HLF: variants seen among roughly 807,000 people sequenced by gnomAD.
HLF encodes HLF transcription factor, PAR bZIP family member, also known as hepatic leukemia factor.
HLF carries 3 observed loss-of-function variants against 22.6 expected under a neutral mutation model. That is an observed-to-expected ratio of 0.13 (90% confidence interval 0.06 to 0.34). The LOEUF (loss-of-function observed/expected upper bound fraction) is 0.34. HLF is among the 10% of genes least tolerant of loss of function. The probability of loss-of-function intolerance (pLI) is 1.00; values close to 1 mark genes in which losing one functional copy is unlikely to be tolerated. For missense variants in HLF, 299 were observed against 389.2 expected (o/e 0.77, Z 1.95); for synonymous variants, 151 against 151.8 (o/e 0.99, Z 0.04).
At chr17:55,296,611 A>G (rs1246690689) in intron 2 of HLF, among the ~76,000 whole-genome samples, 1 of 152,190 alleles carries the variant, frequency 6.6e-6, no homozygotes, top group Non-Finnish European at 1.5e-5. Context: ...GGCTGCATAG[A>G]ACCTATGATC....
At chr17:55,271,239 A>G (rs776860523) in intron 2 of HLF, among the ~76,000 whole-genome samples, 9 of 152,256 alleles carry the variant, frequency 5.9e-5, no homozygotes, top group Non-Finnish European at 8.8e-5. Context: ...TTGGGTTGCC[A>G]AGAAGAAATA....
At chr17:55,276,222 T>G (rs2080903312) in intron 2 of HLF, among the ~76,000 whole-genome samples, 1 of 152,216 alleles carries the variant, frequency 6.6e-6, no homozygotes, top group Admixed American at 6.5e-5. Context: ...TTTTGATTTG[T>G]GCACCCTGAG....
chr17:55,269,019 C>T (rs2080825374), intron 2 of HLF, among the ~76,000 whole-genome samples: 1 of 152,172 alleles, frequency 6.6e-6, no homozygotes, highest in Admixed American at 6.5e-5. Flanking sequence ...GATAAATCAT[C>T]CGGAAGGTCA....
At chr17:55,272,423 A>G (rs2080866383) in intron 2 of HLF, 1 of 152,142 alleles carries the variant, frequency 6.6e-6, no homozygotes, top group Admixed American at 6.5e-5. Context: ...GGGGTGTCCT[A>G]CCACTGTTAG....
At chr17:55,266,898 ACT>A in intron 1 of HLF, 17 of 654,180 alleles carry the variant, frequency 2.6e-5, no homozygotes, top group Non-Finnish European at 3.2e-5. Context: ...GTATAGAATA[ACT>A]CACCTTTTCC....
chr17:55,265,591 A>T lies in HLF; in HGVS notation c.107A>T (p.His36Leu), dbSNP rs2080779936. 1 of 1,590,198 alleles carries T rather than the reference A, an allele frequency of 6.3e-7. No homozygotes were observed. Among genetic ancestry groups the T allele is most frequent in the Admixed American group, 1.7e-5 (1 of 58,984 alleles). Residue 36 changes from histidine (H) to leucine (L), a missense_variant, in exon 1 of 4, where the codon CAC (histidine) becomes CTC (leucine). Transcript: ENST00000226067. ...LENPLKLPLHHEDAFSKDKDK... is the reference protein window; with the variant it reads ...LENPLKLPLHLEDAFSKDKDK... Reference sequence around the variant, plus strand: ...AACCCGCTGAAGCTCCCCCTTCACCACGAAGACGGTGAGCGCTGCCGCGGC... The same window carrying T: ...AACCCGCTGAAGCTCCCCCTTCACCTCGAAGACGGTGAGCGCTGCCGCGGC...
intron 2 of HLF, among the ~76,000 whole-genome samples, chr17:55,308,509 C>T (rs753784439): frequency 1.3e-4 from 20 of 152,186 alleles, no homozygotes; most frequent in Non-Finnish European, 2.2e-4. Flanking sequence ...AAAAAGTCAA[C>T]GATAGTCCCT....
intron 2 of HLF, among the ~76,000 whole-genome samples, chr17:55,298,293 G>A (rs552528572): frequency 1.7e-4 from 26 of 152,206 alleles, no homozygotes; most frequent in Non-Finnish European, 3.2e-4. Flanking sequence ...TCTACCCAAA[G>A]GTTGCAGACC....
intron 2 of HLF, chr17:55,272,592 G>A (rs1377532144): frequency 6.6e-6 from 1 of 152,192 alleles, no homozygotes; most frequent in African/African-American, 2.4e-5. Flanking sequence ...AGGAGCGGGG[G>A]TGGGGGAGAA....
intron 2 of HLF, among the ~76,000 whole-genome samples, chr17:55,289,854 C>T (rs1567817474): frequency 6.6e-6 from 1 of 152,134 alleles, no homozygotes; most frequent in Non-Finnish European, 1.5e-5. Context: ...AGCTCTTAAT[C>T]CTTCCTAGCA....
chr17:55,268,034 C>G lies in HLF; in HGVS notation c.399C>G (p.Pro133=), dbSNP rs201406160. The G allele has an allele frequency of 1.1e-5, 18 of 1,605,878 alleles. No homozygotes were observed. The East Asian group carries it at 3.6e-4, about 32-fold the overall frequency. ...VMDLSSRASA[P]LHPGIPSPNC... is the part of the protein sequence containing the mutation. ...ACCTCAGCAGCCGGGCCTCTGCACC[C>G]CTTCACCCTGGCATCCCATCTCCGA... The change falls in exon 2 of 4, where the codon CCC becomes CCG. Residue 133 remains proline, a synonymous_variant. Transcript: ENST00000226067.
intron 2 of HLF, among the ~76,000 whole-genome samples, chr17:55,303,354 C>T (rs958532204): frequency 6.6e-6 from 1 of 152,190 alleles, no homozygotes; most frequent in African/African-American, 2.4e-5. Flanking sequence ...CAGCAGTTGA[C>T]CAGCTGACCT....
chr17:55,307,080 C>G (rs532944758), intron 2 of HLF, among the ~76,000 whole-genome samples: 83 of 150,050 alleles, frequency 5.5e-4, no homozygotes, highest in African/African-American at 2.0e-3. Context: ...TTTTCCTCAT[C>G]CCATTTCCTC....
intron 2 of HLF, among the ~76,000 whole-genome samples, chr17:55,293,193 C>G (rs1338517747): frequency 1.3e-5 from 2 of 152,184 alleles, no homozygotes; most frequent in Non-Finnish European, 2.9e-5. Flanking sequence ...CTGATTTGAT[C>G]ATTACACATT....
chr17:55,265,715 G>A, intron 1 of HLF, 116 bp downstream of exon 1: 2 of 1,099,184 alleles, frequency 1.8e-6, no homozygotes, highest in South Asian at 1.8e-5. Context: ...GTCCCGCGGC[G>A]CCCCGGCCCC....
intron 2 of HLF, among the ~76,000 whole-genome samples, chr17:55,311,655 T>A (rs1904836507): frequency 6.6e-6 from 1 of 152,198 alleles, no homozygotes; most frequent in South Asian, 2.1e-4. Flanking sequence ...AGTTTGGCAG[T>A]AGGTTTTTAA....
Position 55,324,803 on chromosome 17 carries a change from G to A in HLF, c.*3924G>A. The A allele has an allele frequency of 4.4e-6, 1 of 229,496 alleles. No homozygotes were observed. The highest frequency in any genetic ancestry group is 2.2e-5 in the African/African-American group (1 of 45,216). The allele number at this position is 229,496 out of a possible 1,614,324, so 14.2% of individuals were successfully genotyped here. A position where few individuals can be genotyped will look rare whatever the true frequency, so the allele number is the denominator to read the frequency against. On this transcript the variant is annotated 3_prime_UTR_variant, in exon 4 of 4. Coordinates refer to ENST00000226067, the MANE Select transcript of HLF (RefSeq NM_002126.5). Reference sequence around the variant, plus strand: ...GCTAAGTGTAAGAGTGTGTGTGTGTGTGTGTGCGTGCATGTGTGTGTGTGT... The same window carrying A: ...GCTAAGTGTAAGAGTGTGTGTGTGTATGTGTGCGTGCATGTGTGTGTGTGT...
chr17:55,273,119 G>A (rs985802087), intron 2 of HLF: 3 of 152,252 alleles, frequency 2.0e-5, no homozygotes, highest in Admixed American at 6.5e-5. Flanking sequence ...AAGGCAACTT[G>A]GTGGTTAGGA....
intron 2 of HLF, among the ~76,000 whole-genome samples, chr17:55,270,104 G>A (rs1409256321): frequency 6.6e-6 from 1 of 152,180 alleles, no homozygotes; most frequent in East Asian, 1.9e-4. Flanking sequence ...AGAAGGCTTG[G>A]AATGCCCAAT....
Sources: allele counts gnomAD v4.1 joint callset (sites outside exome capture counted in the v4.1 genomes callset), GRCh38; gene constraint gnomAD v4.1.1; transcripts MANE v1.5; gene names NCBI Gene and HGNC (gene_info 2026-07-23, HGNC 2026-07-21).